The following LNPK variants were observed in gnomAD, a reference collection of about 807,000 sequenced individuals.
LNPK encodes the protein endoplasmic reticulum junction formation protein lunapark.
A neutral mutation model predicts 55.2 loss-of-function variants in LNPK; 29 were observed. That is an observed-to-expected ratio of 0.53 (90% CI 0.39 to 0.72). The LOEUF is 0.72. LNPK is among the 30% of genes least tolerant of loss of function. LNPK has a pLI of 0.00. For synonymous variants in LNPK, 162 were observed against 168.2 expected, an observed-to-expected ratio of 0.96 and a Z score of 0.29; for missense variants, 467 against 494.8, an observed-to-expected ratio of 0.94 and a Z score of 0.53.
intron 8 of LNPK, among the ~76,000 whole-genome samples, chr2:175,951,717 G>A (rs1356575769): frequency 1.3e-5 from 2 of 150,568 alleles, no homozygotes; most frequent in Admixed American, 1.3e-4. Context: ...TATCTTTTTC[G>A]TATAATGACT....
intron 4 of LNPK, among the ~76,000 whole-genome samples, chr2:175,987,122 A>G (rs1687457403): frequency 1.3e-5 from 2 of 152,244 alleles, no homozygotes; most frequent in Admixed American, 6.5e-5. Context: ...ATATAAAATT[A>G]GTATAGAAAA....
intron 12 of LNPK, among the ~76,000 whole-genome samples, chr2:175,936,202 G>A (rs890131642): frequency 3.3e-5 from 5 of 152,072 alleles, no homozygotes; most frequent in Admixed American, 6.6e-5. Context: ...GAAGAATACA[G>A]GCCTCTGTCA....
intron 8 of LNPK, among the ~76,000 whole-genome samples, chr2:175,962,799 T>C (rs1686114255): frequency 6.6e-6 from 1 of 152,054 alleles, no homozygotes; most frequent in Non-Finnish European, 1.5e-5. Context: ...TTTTGCAATC[T>C]ACCCATCTGA....
intron 4 of LNPK, among the ~76,000 whole-genome samples, chr2:175,989,021 C>T (rs1375378578): frequency 2.0e-5 from 3 of 152,118 alleles, no homozygotes; most frequent in East Asian, 1.9e-4. Context: ...GTGATCCGCC[C>T]GCCTGGGCCT....
intron 5 of LNPK, among the ~76,000 whole-genome samples, chr2:175,978,453 G>C (rs1022568177): frequency 6.6e-6 from 1 of 152,110 alleles, no homozygotes; most frequent in East Asian, 1.9e-4. Flanking sequence ...TGACCAGGTA[G>C]ATTTTGTAAG....
chr2:175,984,150 A>C (rs1166282927), intron 4 of LNPK, among the ~76,000 whole-genome samples: 1 of 151,838 alleles, frequency 6.6e-6, no homozygotes, highest in Admixed American at 6.6e-5. Flanking sequence ...GGGGGAAAAA[A>C]AGCTGTAAAC....
At chr2:175,933,817 C>T (rs928250662) in intron 12 of LNPK, among the ~76,000 whole-genome samples, 9 of 150,500 alleles carry the variant, frequency 6.0e-5, no homozygotes, top group South Asian at 2.1e-4. Flanking sequence ...CTGCAACCTC[C>T]GCCTCCCGGA....
Position 175,930,275 on chromosome 2 carries a change from A to AACACACAC in LNPK, c.1055-84_1055-77dup, listed in dbSNP as rs35338571. Reference sequence around the variant, plus strand: ...CTAAATAAGGCAAGCAAAAAAGATAAACACACACACACACACACACACACA... The same window carrying AACACACAC: ...CTAAATAAGGCAAGCAAAAAAGATAAACACACACACACACACACACACACACACACACA... On this transcript the variant is annotated intron_variant, in intron 12 of 12. Transcript: ENST00000272748. 1.8e-3 allele frequency: 1,212 copies of AACACACAC among 661,006 alleles called. 2 individuals carry two copies. The highest frequency in any genetic ancestry group is 0.011 in the African/African-American group (587 of 54,334). 40.9% of individuals were successfully genotyped at this position (661,006 alleles called of 1,614,324 possible).
In LNPK at chr2:175,993,170, CA is replaced by C; in HGVS notation, c.69+11del. On this transcript the variant is annotated intron_variant, in intron 3 of 12. Coordinates refer to ENST00000272748, the MANE Select transcript of LNPK (RefSeq NM_030650.3). ...AAAATGAATTAAAATACCTCACAGCCAAAGAACATACCTTATCTATACTTTC... is the reference window on the plus strand; with the variant it reads ...AAAATGAATTAAAATACCTCACAGCCAAGAACATACCTTATCTATACTTTC... 6.6e-7 allele frequency: 1 copy of C among 1,507,542 alleles called. No individual in the cohort carries two copies. Among genetic ancestry groups the C allele is most frequent in the Non-Finnish European group, 9.1e-7 (1 of 1,104,802 alleles). The allele number at this position is 1,507,542 out of a possible 1,614,324, so 93.4% of individuals were successfully genotyped here. A position where few individuals can be genotyped will look rare whatever the true frequency, so the allele number is the denominator to read the frequency against.
At chr2:175,966,437 A>G (rs1686356609) in intron 6 of LNPK, among the ~76,000 whole-genome samples, 1 of 152,204 alleles carries the variant, frequency 6.6e-6, no homozygotes, top group South Asian at 2.1e-4. Context: ...CTAGACTAAA[A>G]CTACTACTAG....
intron 9 of LNPK, among the ~76,000 whole-genome samples, chr2:175,943,390 T>C (rs766553881): frequency 6.6e-6 from 1 of 151,894 alleles, no homozygotes; most frequent in African/African-American, 2.4e-5. Flanking sequence ...CATAACGTTA[T>C]GAAATGAAAC....
intron 12 of LNPK, among the ~76,000 whole-genome samples, chr2:175,932,395 G>A (rs887803578): frequency 6.6e-6 from 1 of 152,090 alleles, no homozygotes; most frequent in Non-Finnish European, 1.5e-5. Context: ...CAAGATACAC[G>A]AAGTCTTCCA....
chr2:175,965,742 A>G (rs551169044), intron 6 of LNPK, among the ~76,000 whole-genome samples: 1 of 152,316 alleles, frequency 6.6e-6, no homozygotes, highest in Non-Finnish European at 1.5e-5. Flanking sequence ...AAATTCTCAA[A>G]ATAAACAAGT....
chr2:175,987,449 C>T (rs1398071491), intron 4 of LNPK, among the ~76,000 whole-genome samples: 1 of 152,148 alleles, frequency 6.6e-6, no homozygotes, highest in Non-Finnish European at 1.5e-5. Context: ...CGCATGTTCT[C>T]ACTCATAGGT....
chr2:175,998,610 A>G (rs988145642), intron 1 of LNPK, among the ~76,000 whole-genome samples: 13 of 152,222 alleles, frequency 8.5e-5, no homozygotes, highest in African/African-American at 3.1e-4. Flanking sequence ...TATGTAAAAT[A>G]TATGAAACCA....
intron 4 of LNPK, among the ~76,000 whole-genome samples, chr2:175,984,571 A>T (rs1256565994): frequency 1.3e-5 from 2 of 152,172 alleles, no homozygotes; most frequent in Non-Finnish European, 2.9e-5. Context: ...ATGAATAAAC[A>T]TTTTGCTAAT....
At chr2:175,973,952 A>G (rs2105662869) in intron 5 of LNPK, among the ~76,000 whole-genome samples, 1 of 152,324 alleles carries the variant, frequency 6.6e-6, no homozygotes, top group Admixed American at 6.5e-5. Context: ...ATAATTGGTA[A>G]ATGGCTTTCC....
At chr2:175,991,319 ATAAAAGCATT>A (rs1260157650) in intron 4 of LNPK, among the ~76,000 whole-genome samples, 1 of 152,218 alleles carries the variant, frequency 6.6e-6, no homozygotes, top group African/African-American at 2.4e-5. Context: ...TACTTCTGGG[ATAAAAGCATT>A]CCAAAAGATT....
intron 4 of LNPK, among the ~76,000 whole-genome samples, chr2:175,982,015 T>A (rs1402310752): frequency 6.6e-6 from 1 of 152,194 alleles, no homozygotes; most frequent in Non-Finnish European, 1.5e-5. Context: ...AGCACCAGAT[T>A]CCTATTTGGC....
Sources: gnomAD v4.1 joint callset for allele counts (sites outside exome capture counted in the v4.1 genomes callset) on GRCh38, gnomAD v4.1.1 for gene constraint, MANE v1.5 for transcripts, NCBI Gene and HGNC (gene_info 2026-07-23, HGNC 2026-07-21) for gene names.